Variants in LGR5 observed in about 807,000 individuals in gnomAD.
LGR5 encodes the protein leucine rich repeat containing G protein-coupled receptor 5, also known as leucine-rich repeat-containing G protein-coupled receptor 5.
Under a neutral mutation model 76.7 loss-of-function variants are expected in LGR5, and 54 were observed. That is an observed-to-expected ratio of 0.70 (90% CI 0.57 to 0.88). LGR5 has a LOEUF of 0.88. Ranked by LOEUF, LGR5 falls within the 40% of genes least tolerant of loss-of-function variation. The probability of loss-of-function intolerance (pLI) is 0.00; values close to 1 mark genes in which losing one functional copy is unlikely to be tolerated. For missense variants in LGR5, 1,078 were observed against 1,073.3 expected (o/e 1.00, Z -0.06); for synonymous variants, 406 against 421.9 (o/e 0.96, Z 0.46).
At chr12:71,516,442 G>A (rs867165118) in intron 2 of LGR5, among the ~76,000 whole-genome samples, 4 of 152,030 alleles carry the variant, frequency 2.6e-5, no homozygotes, top group Non-Finnish European at 5.9e-5. Context: ...GACCCCTGTC[G>A]GACCATGGTT....
At position 71,548,357 on chromosome 12, in the gene LGR5, T is replaced by C. The variant is rs1176927193; in HGVS notation, c.429-4716T>C. Among the ~76,000 whole-genome samples the C allele has an allele frequency of 4.2e-5, 6 of 143,914 alleles. No individual in the cohort carries two copies. The East Asian group carries it at 8.0e-4, about 19-fold the overall frequency. The allele number at this position is 143,914 out of a possible 152,430, so 94.4% of individuals were successfully genotyped here. ...TACATATACACATGCATAGCAATAA[T>C]AGTAAAGGCTGAAAAAATAAGGGTG... On this transcript the variant is annotated intron_variant, in intron 4 of 17. Coordinates refer to ENST00000266674, the MANE Select transcript of LGR5 (RefSeq NM_003667.4).
chr12:71,532,994 C>A (rs770646196), intron 3 of LGR5, among the ~76,000 whole-genome samples: 3 of 151,996 alleles, frequency 2.0e-5, no homozygotes, highest in Non-Finnish European at 4.4e-5. Context: ...GAGTTCGAGT[C>A]CAGTCCTGGG....
chr12:71,454,062 G>A (rs992900510), intron 1 of LGR5, among the ~76,000 whole-genome samples: 1 of 152,094 alleles, frequency 6.6e-6, no homozygotes. Flanking sequence ...GGAGAAGAGA[G>A]CTAGGTGAGC....
chr12:71,441,053 G>A (rs1192274384), intron 1 of LGR5, among the ~76,000 whole-genome samples: 1 of 152,094 alleles, frequency 6.6e-6, no homozygotes. Flanking sequence ...TGGGCTGAAG[G>A]CTGTTGGGCT....
At chr12:71,452,784 T>C (rs1223531899) in intron 1 of LGR5, among the ~76,000 whole-genome samples, 1 of 152,220 alleles carries the variant, frequency 6.6e-6, no homozygotes, top group African/African-American at 2.4e-5. Flanking sequence ...AGTTACTCAA[T>C]GCCTCAGTTT....
chr12:71,442,417 T>G (rs1871807819), intron 1 of LGR5, among the ~76,000 whole-genome samples: 1 of 152,184 alleles, frequency 6.6e-6, no homozygotes, highest in African/African-American at 2.4e-5. Flanking sequence ...AAGTGCCATA[T>G]TATTCTCATG....
chr12:71,525,155 T>G (rs1348176111), intron 3 of LGR5, among the ~76,000 whole-genome samples: 1 of 152,110 alleles, frequency 6.6e-6, no homozygotes, highest in Non-Finnish European at 1.5e-5. Flanking sequence ...AAACAGATAA[T>G]GCAAGGAAAA....
At chr12:71,523,674 A>C (rs141180260) in intron 2 of LGR5, among the ~76,000 whole-genome samples, 5 of 152,198 alleles carry the variant, frequency 3.3e-5, no homozygotes, top group African/African-American at 1.2e-4. Flanking sequence ...ACTGAATCAC[A>C]TGTTTCAGGT....
chr12:71,443,765 T>C (rs1384656374), intron 1 of LGR5, among the ~76,000 whole-genome samples: 1 of 152,168 alleles, frequency 6.6e-6, no homozygotes, highest in Non-Finnish European at 1.5e-5. Flanking sequence ...AAGATCCTAA[T>C]ATAATAAATA....
intron 1 of LGR5, among the ~76,000 whole-genome samples, chr12:71,482,642 C>A (rs924883924): frequency 2.6e-5 from 4 of 152,082 alleles, no homozygotes; most frequent in African/African-American, 7.2e-5. Context: ...ATTGTCACAA[C>A]TGGAAGGAGG....
At chr12:71,458,055 T>C (rs1011025519) in intron 1 of LGR5, among the ~76,000 whole-genome samples, 1 of 152,108 alleles carries the variant, frequency 6.6e-6, no homozygotes, top group African/African-American at 2.4e-5. Flanking sequence ...CAAACACATG[T>C]AGTCATTAGA....
At chr12:71,549,958 G>A (rs989694798) in intron 4 of LGR5, among the ~76,000 whole-genome samples, 3 of 152,096 alleles carry the variant, frequency 2.0e-5, no homozygotes, top group African/African-American at 4.8e-5. Context: ...AAAGAAACGT[G>A]ATTCATAAAA....
At chr12:71,495,282 AC>A in intron 1 of LGR5, among the ~76,000 whole-genome samples, 1 of 151,410 alleles carries the variant, frequency 6.6e-6, no homozygotes, top group South Asian at 2.1e-4. Flanking sequence ...AATCAGATTG[AC>A]TTACAGTTAC....
At position 71,578,859 on chromosome 12, in the gene LGR5, A is replaced by G. The variant is rs201933235; in HGVS notation, c.1336A>G (p.Thr446Ala). The change falls in exon 15 of 18, where the codon ACT (threonine) becomes GCT (alanine). Residue 446 changes from threonine to alanine, a missense_variant. Transcript: ENST00000266674. ...SFPITGLHGL[T>A]HLKLTGNHAL... ...TCCTATAACTGGGTTACATGGTTTA[A>G]CTCACTTAAAATTAACAGGAAATCA... is the stretch of plus-strand genomic sequence containing the variant. 1 of 1,612,990 alleles carries G rather than the reference A, an allele frequency of 6.2e-7. No homozygotes were observed. The highest frequency in any genetic ancestry group is 1.3e-5 in the African/African-American group (1 of 75,020).
chr12:71,552,908 A>AG (rs1877561439), intron 4 of LGR5, among the ~76,000 whole-genome samples, 165 bp from the exon 5 acceptor site: 1 of 152,024 alleles, frequency 6.6e-6, no homozygotes, highest in Non-Finnish European at 1.5e-5. Context: ...ATGAATGAGA[A>AG]GGAGAGATCA....
intron 4 of LGR5, among the ~76,000 whole-genome samples, chr12:71,546,739 A>AG (rs1220428007): frequency 1.3e-5 from 2 of 152,166 alleles, no homozygotes; most frequent in Non-Finnish European, 2.9e-5. Flanking sequence ...ATGTATTATG[A>AG]GGGCCTCCAG....
At chr12:71,567,153 G>A in intron 11 of LGR5, 1 of 490,728 alleles carries the variant, frequency 2.0e-6, no homozygotes, top group Non-Finnish European at 3.7e-6. Context: ...CTTTCAGTTG[G>A]CACATGTTTT....
At chr12:71,499,212 C>A (rs1483226466) in intron 1 of LGR5, among the ~76,000 whole-genome samples, 1 of 151,974 alleles carries the variant, frequency 6.6e-6, no homozygotes, top group African/African-American at 2.4e-5. Context: ...AGGAGAGCAA[C>A]AGCCTAGGTT....
intron 3 of LGR5, among the ~76,000 whole-genome samples, chr12:71,525,277 G>T (rs1252257424): frequency 1.3e-5 from 2 of 151,956 alleles, no homozygotes; most frequent in Non-Finnish European, 2.9e-5. Context: ...AGACACATAG[G>T]TTAAAAAAAC....
Sources: allele counts gnomAD v4.1 joint callset (sites outside exome capture counted in the v4.1 genomes callset), GRCh38; gene constraint gnomAD v4.1.1; transcripts MANE v1.5; gene names NCBI Gene and HGNC (gene_info 2026-07-23, HGNC 2026-07-21).